The following KCNQ1 variants were observed in gnomAD, a reference collection of about 807,000 sequenced individuals.
KCNQ1 encodes the protein potassium voltage-gated channel subfamily Q member 1, also known as potassium voltage-gated channel subfamily KQT member 1.
Under a neutral mutation model 72.4 loss-of-function variants are expected in KCNQ1, and 49 were observed. The observed-to-expected ratio is 0.68, with a 90% CI of 0.54 to 0.86. The LOEUF (loss-of-function observed/expected upper bound fraction) is 0.86. Ranked by LOEUF, KCNQ1 falls within the 40% of genes least tolerant of loss-of-function variation. KCNQ1 has a pLI of 0.00. For missense variants in KCNQ1, 790 were observed against 945.1 expected (o/e 0.84, Z 2.15); for synonymous variants, 450 against 412.6 (o/e 1.09, Z -1.10).
At chr11:2,551,480 AGTTT>A (rs770176520) in intron 2 of KCNQ1, among the ~76,000 whole-genome samples, 8 of 152,234 alleles carry the variant, frequency 5.3e-5, no homozygotes, top group Non-Finnish European at 8.8e-5. Flanking sequence ...AATGTACCAC[AGTTT>A]GTTTATCCAT....
chr11:2,648,981 CTTTTTTTTTT>C, intron 10 of KCNQ1: 41 of 313,730 alleles, frequency 1.3e-4, no homozygotes, highest in African/African-American at 2.8e-4. Flanking sequence ...TTTTCTTTTT[CTTTTTTTTTT>C]TTTTTTTTTT....
chr11:2,810,550 G>C (rs1317069221), intron 15 of KCNQ1, among the ~76,000 whole-genome samples: 1 of 152,198 alleles, frequency 6.6e-6, no homozygotes, highest in Non-Finnish European at 1.5e-5. Flanking sequence ...CTTGCTCTCT[G>C]ACCGTGGTCA....
chr11:2,630,166 T>G (rs1300362170), intron 10 of KCNQ1: 3 of 398,270 alleles, frequency 7.5e-6, no homozygotes, highest in African/African-American at 2.1e-5. Flanking sequence ...TTTGCACTTA[T>G]CAAAATGATT....
rs1355777887 is a variant in KCNQ1 at position 2,653,651 on chromosome 11, C to G, written c.1394-8310C>G. ...TTAGGCAGCTACTTTCTAAAAGGGG[C>G]AAAATGGCCACCAGCTTGCATTCAA... On this transcript the variant is annotated intron_variant, in intron 10 of 15. Coordinates refer to ENST00000155840, the MANE Select transcript of KCNQ1 (RefSeq NM_000218.3). This position sits in a 1 kb window ranked among gnomAD's most constrained non-coding sequence, Gnocchi z 5.3. 5.0e-6 allele frequency: 2 copies of G among 398,690 alleles called. No homozygotes were observed. The highest frequency in any genetic ancestry group is 1.3e-4 in the South Asian group (1 of 7,862). 24.7% of individuals were successfully genotyped at this position (398,690 alleles called of 1,614,324 possible).
At chr11:2,791,325 C>G (rs1168119519) in intron 15 of KCNQ1, among the ~76,000 whole-genome samples, 1 of 151,802 alleles carries the variant, frequency 6.6e-6, no homozygotes, top group African/African-American at 2.4e-5. Context: ...CTGCAGGGGC[C>G]AGGGCGTGAG....
rs1403761533 is a variant in KCNQ1, at chr11:2,446,852, G to A, written c.386+1368G>A. ...GCTCTGCTCGTGGCTGCAACAGCGG[G>A]GGCTCGGCTTGGGGTTTGGGAGATA... On this transcript the variant is annotated intron_variant, in intron 1 of 15. Coordinates refer to ENST00000155840, the MANE Select transcript of KCNQ1 (RefSeq NM_000218.3). The surrounding 1 kb of genome is among the most constrained non-coding windows in gnomAD (Gnocchi z 8.8). 6.6e-6 allele frequency among the ~76,000 whole-genome samples: 1 copy of A among 152,212 alleles called. No individual in the cohort carries two copies. Among genetic ancestry groups the A allele is most frequent in the East Asian group, 1.9e-4 (1 of 5,192 alleles).
chr11:2,737,194 G>C (rs1176520776), intron 11 of KCNQ1, among the ~76,000 whole-genome samples: 1 of 152,180 alleles, frequency 6.6e-6, no homozygotes, highest in Non-Finnish European at 1.5e-5. Flanking sequence ...TATTCCACAG[G>C]GTAAGCAGAG....
intron 10 of KCNQ1, chr11:2,616,998 A>C (rs1263980482): frequency 2.5e-6 from 1 of 397,796 alleles, no homozygotes; most frequent in African/African-American, 2.1e-5. Context: ...ATGCATATTT[A>C]GTGTATAAAA....
At position 2,483,762 on chromosome 11, in the gene KCNQ1, C is replaced by T. The variant is rs1846690755; in HGVS notation, c.386+38278C>T. Among the ~76,000 whole-genome samples, 1 of 152,140 alleles carries T rather than the reference C, an allele frequency of 6.6e-6. No homozygotes were observed. The highest frequency in any genetic ancestry group is 2.4e-5 in the African/African-American group (1 of 41,416). ...GCAGGGCTGTGTGAGGTCAGCATGT[C>T]TTAGGGCGGGTTCATTTGACCTTGA... is the stretch of plus-strand genomic sequence containing the variant. On this transcript the variant is annotated intron_variant, in intron 1 of 15. Coordinates refer to ENST00000155840, the MANE Select transcript of KCNQ1 (RefSeq NM_000218.3). The surrounding 1 kb of genome is among the most constrained non-coding windows in gnomAD (Gnocchi z 6.1).
intron 15 of KCNQ1, among the ~76,000 whole-genome samples, chr11:2,797,668 T>C (rs1847165993): frequency 1.3e-5 from 2 of 152,112 alleles, no homozygotes; most frequent in South Asian, 2.1e-4. Flanking sequence ...CAGTGTAGTC[T>C]GGCCCCTCCT....
intron 10 of KCNQ1, among the ~76,000 whole-genome samples, chr11:2,590,398 G>A (rs572289916): frequency 5.3e-5 from 8 of 152,336 alleles, no homozygotes; most frequent in East Asian, 3.9e-4. Context: ...AGAAGCCCCC[G>A]TCCCAGGGCG....
chr11:2,795,816 A>G (rs1007379017), intron 15 of KCNQ1, among the ~76,000 whole-genome samples: 18 of 152,080 alleles, frequency 1.2e-4, no homozygotes, highest in Admixed American at 1.2e-3. Context: ...CTTGCCCTGG[A>G]GTCTCTCCAG....
chr11:2,640,793 G>C, intron 10 of KCNQ1: 1 of 398,468 alleles, frequency 2.5e-6, no homozygotes, highest in South Asian at 1.3e-4. Context: ...AACTAGCTGT[G>C]TATTTTTACC....
Position 2,781,309 on chromosome 11 carries a change from G to A in KCNQ1, c.1794+3272G>A, listed in dbSNP as rs11607946. Among the ~76,000 whole-genome samples, 5,399 of 152,254 alleles carry A rather than the reference G, an allele frequency of 0.035. 143 individuals carry two copies. Among genetic ancestry groups the A allele is most frequent in the Non-Finnish European group, 0.053 (3,633 of 68,016 alleles). ...ACACAGCTAGTTAGGTGAAGAGCTG[G>A]TCCCAAGGAGGACACAGACAGGGGT... On this transcript the variant is annotated intron_variant, in intron 15 of 15. Coordinates refer to ENST00000155840, the MANE Select transcript of KCNQ1 (RefSeq NM_000218.3). This position sits in a 1 kb window ranked among gnomAD's most constrained non-coding sequence, Gnocchi z 6.6.
chr11:2,826,730 G>C lies in KCNQ1; in HGVS notation c.1795-21037G>C, dbSNP rs1847849311. 6.6e-6 allele frequency among the ~76,000 whole-genome samples: 1 copy of C among 152,234 alleles called. No individual in the cohort carries two copies. The highest frequency in any genetic ancestry group is 1.5e-5 in the Non-Finnish European group (1 of 68,038). On this transcript the variant is annotated intron_variant, in intron 15 of 15. Transcript: ENST00000155840. This position sits in a 1 kb window ranked among gnomAD's most constrained non-coding sequence, Gnocchi z 4.2. ...CTCCCCTGGGCACCCCTCGTCTTGG[G>C]GCCCCTGCCCTGCCTCCACTCAGAA... is the stretch of plus-strand genomic sequence containing the variant.
In KCNQ1 at chr11:2,653,868, G is replaced by A; in HGVS notation, c.1394-8093G>A. 2.5e-6 allele frequency: 1 copy of A among 398,644 alleles called. No individual in the cohort carries two copies. The highest frequency in any genetic ancestry group is 4.4e-6 in the Non-Finnish European group (1 of 226,080). The allele number at this position is 398,644 out of a possible 1,614,324, so 24.7% of individuals were successfully genotyped here. On this transcript the variant is annotated intron_variant, in intron 10 of 15. Transcript: ENST00000155840. This position sits in a 1 kb window ranked among gnomAD's most constrained non-coding sequence, Gnocchi z 5.3. ...GAGGGTACCTAAACACTGCACACTA[G>A]GAGTGGGAAAGGAAGAGCCCCCTAA...
At chr11:2,672,082 G>A (rs1225695288) in intron 11 of KCNQ1, 3 of 398,586 alleles carry the variant, frequency 7.5e-6, no homozygotes, top group African/African-American at 2.1e-5. Flanking sequence ...GGTCTGGACT[G>A]AGCAGCTGTC....
chr11:2,569,248 C>T (rs1201036017), intron 2 of KCNQ1, among the ~76,000 whole-genome samples: 2 of 152,244 alleles, frequency 1.3e-5, no homozygotes, highest in African/African-American at 4.8e-5. Context: ...CACACCCACA[C>T]ACCCCTGAAG....
At chr11:2,840,849 G>A (rs748168318) in intron 15 of KCNQ1, among the ~76,000 whole-genome samples, 1 of 152,170 alleles carries the variant, frequency 6.6e-6, no homozygotes, top group Non-Finnish European at 1.5e-5. Context: ...GGCTTGGGGG[G>A]CTTCTACCCC....
Sources: allele counts gnomAD v4.1 joint callset (sites outside exome capture counted in the v4.1 genomes callset), GRCh38; gene constraint gnomAD v4.1.1; non-coding constraint Gnocchi (gnomAD v3.1); transcripts MANE v1.5; gene names NCBI Gene and HGNC (gene_info 2026-07-23, HGNC 2026-07-21).